Variants in TUBB6 observed in about 807,000 individuals in gnomAD.
TUBB6 encodes tubulin beta 6 class V, also known as tubulin beta-6 chain.
Under a neutral mutation model 32.3 loss-of-function variants are expected in TUBB6, and 18 were observed. The ratio of observed to expected loss-of-function variants is 0.56; its 90% CI spans 0.39 to 0.83. TUBB6 has a LOEUF of 0.83. Ranked by LOEUF, TUBB6 falls within the 40% of genes least tolerant of loss-of-function variation. TUBB6 has a pLI of 0.00. For missense variants in TUBB6, 480 were observed against 632.0 expected (o/e 0.76, Z 2.58); for synonymous variants, 280 against 265.8 (o/e 1.05, Z -0.52).
At chr18:12,322,944 G>C (rs569843123) in intron 3 of TUBB6, among the ~76,000 whole-genome samples, 1 of 151,918 alleles carries the variant, frequency 6.6e-6, no homozygotes, top group Non-Finnish European at 1.5e-5. Flanking sequence ...TTTTTAAAGT[G>C]ATTATATTGT....
At chr18:12,320,157 G>A (rs1376686087) in intron 3 of TUBB6, among the ~76,000 whole-genome samples, 2 of 152,160 alleles carry the variant, frequency 1.3e-5, no homozygotes, top group Middle Eastern at 3.4e-3. Flanking sequence ...GAGCCCAGGA[G>A]TTGGAGGCTG....
chr18:12,324,824 A>T (rs1252686746), intron 3 of TUBB6: 1 of 1,329,728 alleles, frequency 7.5e-7, no homozygotes, highest in Non-Finnish European at 9.6e-7. Flanking sequence ...CCTCTTTAAC[A>T]TGGAACAACC....
intron 3 of TUBB6, among the ~76,000 whole-genome samples, chr18:12,324,414 G>C (rs1288216915): frequency 6.7e-6 from 1 of 149,646 alleles, no homozygotes. Context: ...ACATAGTACA[G>C]TATAAGATTC....
chr18:12,308,235 G>T (rs1906099450), upstream of TUBB6: 1 of 1,290,566 alleles, frequency 7.7e-7, no homozygotes, highest in South Asian at 1.8e-5. Flanking sequence ...CGCGCAGCCG[G>T]CCCGCAGTTG....
At position 12,313,873 on chromosome 18, in the gene TUBB6, G is replaced by A. The variant is rs370929630; in HGVS notation, c.277+2820G>A. On this transcript the variant is annotated intron_variant, in intron 3 of 3. Coordinates refer to ENST00000317702, the MANE Select transcript of TUBB6 (RefSeq NM_032525.3). The stretch of plus-strand genomic sequence containing the variant: ...GAGCTGAATCCATTTGCATGCCCAC[G>A]GGGGGTGTCTGAGAGCTCCTCTTGC... Among the ~76,000 whole-genome samples, 7 of 152,280 alleles carry A rather than the reference G, an allele frequency of 4.6e-5. No homozygotes were observed. The East Asian group carries it at 9.7e-4, about 21-fold the overall frequency.
rs569843123 is a variant in TUBB6, at chr18:12,322,944, G to T, written c.278-2123G>T. ...TAACAGAAGAAGAGTTTTTTAAAGT[G>T]ATTATATTGTTTCCAGAAATTAAAA... On this transcript the variant is annotated intron_variant, in intron 3 of 3. Transcript: ENST00000317702. Among the ~76,000 whole-genome samples, 37 of 152,036 alleles carry T rather than the reference G, an allele frequency of 2.4e-4. No homozygotes were observed. The South Asian group carries it at 7.3e-3, about 30-fold the overall frequency.
chr18:12,308,889 TTC>T (rs1906181879), intron 2 of TUBB6, 94 bp downstream of exon 2: 2 of 831,516 alleles, frequency 2.4e-6, no homozygotes, highest in South Asian at 2.8e-5. Context: ...TCGGGAAAAG[TTC>T]TCTCGGGGTG....
rs75653471 is a variant in TUBB6, at chr18:12,319,016, G to C, written c.278-6051G>C. On this transcript the variant is annotated intron_variant, in intron 3 of 3. Transcript: ENST00000317702. ...ACAGTACACATAGATTGTGTATACA[G>C]TGCAGAAAGGGAAAGCTGTCATCCC... Among the ~76,000 whole-genome samples, 218 of 152,328 alleles carry C rather than the reference G, an allele frequency of 1.4e-3. 1 individual carries two copies. Among genetic ancestry groups the C allele is most frequent in the African/African-American group, 4.7e-3 (197 of 41,574 alleles).
intron 3 of TUBB6, among the ~76,000 whole-genome samples, chr18:12,322,869 T>TAG (rs1317666681): frequency 1.3e-5 from 2 of 152,208 alleles, no homozygotes; most frequent in African/African-American, 4.8e-5. Context: ...AGAATCAACT[T>TAG]CAACTGATTG....
chr18:12,325,936 G>C lies in TUBB6; in HGVS notation c.1147G>C (p.Glu383Gln), dbSNP rs771958298. Reference protein sequence around the residue: ...AIQELFKRISEQFSAMFRRKA... With the variant: ...AIQELFKRISQQFSAMFRRKA... ...CCAGGAGCTGTTCAAGCGCATCTCCGAGCAGTTCTCAGCCATGTTCCGGCG... is the reference window on the plus strand; with the variant it reads ...CCAGGAGCTGTTCAAGCGCATCTCCCAGCAGTTCTCAGCCATGTTCCGGCG... The change falls in exon 4 of 4, where the codon GAG becomes CAG. Residue 383 changes from glutamate to glutamine, a missense_variant. Physicochemically the swap from Glu to Gln is conservative, Grantham distance 29 (BLOSUM62 2). Transcript: ENST00000317702. 3.1e-6 allele frequency: 5 copies of C among 1,613,932 alleles called. No individual in the cohort carries two copies. The highest frequency in any genetic ancestry group is 4.2e-6 in the Non-Finnish European group (5 of 1,180,046).
intron 3 of TUBB6, among the ~76,000 whole-genome samples, chr18:12,311,788 C>T (rs1387324585): frequency 6.6e-6 from 1 of 152,088 alleles, no homozygotes; most frequent in Admixed American, 6.5e-5. Context: ...TTTCTGCAGA[C>T]TTCTGAAGAA....
chr18:12,311,144 G>A (rs1176557227), intron 3 of TUBB6, 91 bp downstream of exon 3: 5 of 1,119,208 alleles, frequency 4.5e-6, no homozygotes, highest in Non-Finnish European at 5.1e-6. Context: ...ATGTGTCATA[G>A]AAAAAGTGTG....
rs200228825 is a variant in TUBB6, at chr18:12,309,407, C to G, written c.166+612C>G. On this transcript the variant is annotated intron_variant, in intron 2 of 3. Transcript: ENST00000317702. ...TGGGAAAAACAAAGCTTCCCCCCCC[C>G]CCCCCCCAGTTTAAAACGTATCTCT... Among the ~76,000 whole-genome samples the G allele has an allele frequency of 8.3e-5, 11 of 132,832 alleles. 1 individual carries two copies. Among genetic ancestry groups the G allele is most frequent in the Admixed American group, 1.5e-4 (2 of 13,066 alleles). The allele number at this position is 132,832 out of a possible 152,430, so 87.1% of individuals were successfully genotyped here.
upstream of TUBB6, chr18:12,308,219 G>T (rs1460603239): frequency 3.4e-6 from 4 of 1,165,234 alleles, no homozygotes; most frequent in East Asian, 8.5e-5. Context: ...GGTCGGCCCC[G>T]GGACGCGCGC....
chr18:12,328,174 C>T (rs1016252906), downstream of TUBB6, among the ~76,000 whole-genome samples: 2 of 152,236 alleles, frequency 1.3e-5, no homozygotes, highest in Non-Finnish European at 2.9e-5. Flanking sequence ...GTATCTCAGG[C>T]TGCTGGGAAG....
chr18:12,320,396 ATT>A (rs1157715097), intron 3 of TUBB6: 1 of 150,682 alleles, frequency 6.6e-6, no homozygotes, highest in Non-Finnish European at 1.5e-5. Flanking sequence ...TAATAAAGTA[ATT>A]TTTTTTTTCA....
At chr18:12,308,816 G>T (rs372046550) in intron 2 of TUBB6, 21 bp downstream of exon 2, 2 of 1,504,870 alleles carry the variant, frequency 1.3e-6, no homozygotes, top group Non-Finnish European at 1.8e-6. Context: ...AGGCCGCCGC[G>T]CCCTGCCCGG....
At chr18:12,308,905 C>G in intron 2 of TUBB6, 110 bp downstream of exon 2, 2 of 724,728 alleles carry the variant, frequency 2.8e-6, no homozygotes, top group Non-Finnish European at 5.0e-6. Context: ...CGGGGTGTAG[C>G]AGGATGCCCG....
At position 12,325,702 on chromosome 18, in the gene TUBB6, C is replaced by T; in HGVS notation, c.913C>T (p.Pro305Ser). ...DARNMMAACDPRHGRYLTVAT... is the reference protein window; with the variant it reads ...DARNMMAACDSRHGRYLTVAT... ...CAGGAACATGATGGCCGCCTGCGAT[C>T]CGCGCCATGGCCGCTACCTGACCGT... Residue 305 changes from proline (P) to serine (S), a missense_variant, in exon 4 of 4, where the codon CCG (proline) becomes TCG (serine). By Grantham distance (74) the Pro-to-Ser change is moderately conservative. Transcript: ENST00000317702. The T allele has an allele frequency of 6.2e-7, 1 of 1,614,128 alleles. No homozygotes were observed. Among genetic ancestry groups the T allele is most frequent in the Non-Finnish European group, 8.5e-7 (1 of 1,179,990 alleles).
Sources: allele counts gnomAD v4.1 joint callset (sites outside exome capture counted in the v4.1 genomes callset), GRCh38; gene constraint gnomAD v4.1.1; transcripts MANE v1.5; gene names NCBI Gene and HGNC (gene_info 2026-07-23, HGNC 2026-07-21).